PRKG1: variants seen among roughly 807,000 people sequenced by gnomAD.
PRKG1 encodes the protein protein kinase cGMP-dependent 1.
In PRKG1, 35 loss-of-function variants were observed where a neutral mutation model predicts 88.1. The observed-to-expected ratio is 0.40, with a 90% CI of 0.30 to 0.53. The LOEUF is 0.53. Ranked by LOEUF, PRKG1 falls within the 20% of genes least tolerant of loss-of-function variation. The pLI is 0.59. For synonymous variants in PRKG1, 303 were observed against 292.5 expected (o/e 1.04, Z -0.37); for missense variants, 540 against 839.8 (o/e 0.64, Z 4.41).
At chr10:52,133,614 T>C (rs1206155964) in intron 7 of PRKG1, among the ~76,000 whole-genome samples, 3 of 152,096 alleles carry the variant, frequency 2.0e-5, no homozygotes, top group African/African-American at 7.2e-5. Context: ...AATTTCAAAT[T>C]TGAAAATTGC....
At chr10:52,201,443 T>C (rs1839665523) in intron 9 of PRKG1, among the ~76,000 whole-genome samples, 1 of 152,196 alleles carries the variant, frequency 6.6e-6, no homozygotes, top group African/African-American at 2.4e-5. Context: ...CCATGCTGTT[T>C]TGGTTACTGG....
At chr10:52,034,199 G>A (rs1845545806) in intron 5 of PRKG1, among the ~76,000 whole-genome samples, 1 of 151,938 alleles carries the variant, frequency 6.6e-6, no homozygotes, top group South Asian at 2.1e-4. Flanking sequence ...TGGGCTCAGA[G>A]GCCTGACATT....
At chr10:51,294,194 G>T (rs555541904) in intron 2 of PRKG1, among the ~76,000 whole-genome samples, 23 of 151,862 alleles carry the variant, frequency 1.5e-4, no homozygotes, top group Non-Finnish European at 2.8e-4. Context: ...GATTGTTGTC[G>T]TTGCTCTTCA....
chr10:52,114,355 T>C (rs961336244), intron 7 of PRKG1, among the ~76,000 whole-genome samples: 2 of 152,060 alleles, frequency 1.3e-5, no homozygotes, highest in Non-Finnish European at 2.9e-5. Context: ...TCTTCGTCTA[T>C]TGGGGGAGGG....
At chr10:51,292,888 A>C (rs1840621137) in intron 2 of PRKG1, among the ~76,000 whole-genome samples, 1 of 152,074 alleles carries the variant, frequency 6.6e-6, no homozygotes, top group East Asian at 1.9e-4. Context: ...TTATCTACTT[A>C]ATGATTGGAG....
At chr10:51,329,956 T>C (rs1841689807) in intron 2 of PRKG1, among the ~76,000 whole-genome samples, 1 of 149,746 alleles carries the variant, frequency 6.7e-6, no homozygotes, top group East Asian at 2.0e-4. Flanking sequence ...GGATTAGATA[T>C]GATTGGAGAC....
At chr10:51,017,891 T>A (rs552899391) in intron 1 of PRKG1, among the ~76,000 whole-genome samples, 32 of 152,204 alleles carry the variant, frequency 2.1e-4, no homozygotes, top group African/African-American at 7.7e-4. Context: ...CCTTGACCCC[T>A]GGGCTCAAGT....
At chr10:52,226,026 ATTTTT>A (rs71680568) in intron 9 of PRKG1, among the ~76,000 whole-genome samples, 9 of 134,378 alleles carry the variant, frequency 6.7e-5, no homozygotes, top group African/African-American at 2.1e-4. Flanking sequence ...ATGAGGGTTG[ATTTTT>A]TTTTTTTTTT....
At chr10:51,617,692 T>G (rs1839096726) in intron 3 of PRKG1, among the ~76,000 whole-genome samples, 1 of 152,206 alleles carries the variant, frequency 6.6e-6, no homozygotes, top group African/African-American at 2.4e-5. Context: ...ACCATCTGTG[T>G]GCCACTACAT....
chr10:51,057,886 A>C (rs1210931663), intron 1 of PRKG1, among the ~76,000 whole-genome samples: 3 of 152,082 alleles, frequency 2.0e-5, no homozygotes, highest in African/African-American at 7.2e-5. Context: ...TTAGGATTGG[A>C]CTTTCTAGAT....
chr10:52,280,991 G>A (rs1841992007), intron 13 of PRKG1, 61 bp downstream of exon 13: 1 of 1,524,634 alleles, frequency 6.6e-7, no homozygotes, highest in African/African-American at 1.4e-5. Context: ...TTATAAAACT[G>A]TGTTCATTTG....
At chr10:52,079,502 A>C (rs1362399001) in intron 7 of PRKG1, among the ~76,000 whole-genome samples, 1 of 152,152 alleles carries the variant, frequency 6.6e-6, no homozygotes, top group Non-Finnish European at 1.5e-5. Context: ...TAGGAACCTG[A>C]GACTCGTGAC....
chr10:51,809,159 C>T (rs563619029), intron 4 of PRKG1, among the ~76,000 whole-genome samples: 1 of 151,254 alleles, frequency 6.6e-6, no homozygotes, highest in South Asian at 2.1e-4. Context: ...TGTGGTTTGG[C>T]CCCCTCTTTG....
At chr10:50,997,002 T>G (rs1842842948) in intron 1 of PRKG1, among the ~76,000 whole-genome samples, 1 of 152,172 alleles carries the variant, frequency 6.6e-6, no homozygotes, top group Admixed American at 6.5e-5. Flanking sequence ...TTGCCAGATG[T>G]GATTTGAAGA....
At chr10:52,137,717 A>C (rs554279403) in intron 8 of PRKG1, among the ~76,000 whole-genome samples, 1 of 152,224 alleles carries the variant, frequency 6.6e-6, no homozygotes, top group South Asian at 2.1e-4. Flanking sequence ...TACGAGAAAA[A>C]AATTCTATGC....
chr10:51,940,473 C>CCT (rs1842883316), intron 5 of PRKG1, among the ~76,000 whole-genome samples: 2 of 151,816 alleles, frequency 1.3e-5, no homozygotes, highest in Admixed American at 1.3e-4. Flanking sequence ...TGGGTCAAGG[C>CCT]CTCTGTTTAT....
chr10:51,333,647 T>C (rs1554796173), intron 2 of PRKG1, among the ~76,000 whole-genome samples: 2 of 152,232 alleles, frequency 1.3e-5, no homozygotes, highest in Non-Finnish European at 2.9e-5. Context: ...TTATTTCAAA[T>C]ATTTTTTCTG....
chr10:51,492,606 T>C (rs996008370), intron 3 of PRKG1, among the ~76,000 whole-genome samples: 1 of 152,154 alleles, frequency 6.6e-6, no homozygotes, highest in Non-Finnish European at 1.5e-5. Context: ...TACATAAGCA[T>C]GTAAATTTCT....
chr10:51,982,675 C>G (rs1844040270), intron 5 of PRKG1, among the ~76,000 whole-genome samples: 3 of 151,956 alleles, frequency 2.0e-5, no homozygotes, highest in Admixed American at 6.6e-5. Context: ...GATTAGGAAT[C>G]CATTGTGCTG....
Sources: gnomAD v4.1 joint callset for allele counts (sites outside exome capture counted in the v4.1 genomes callset) on GRCh38, gnomAD v4.1.1 for gene constraint, MANE v1.5 for transcripts, NCBI Gene and HGNC (gene_info 2026-07-23, HGNC 2026-07-21) for gene names.